FBXO27: variants seen among roughly 807,000 people sequenced by gnomAD.
FBXO27 encodes F-box protein 27.
In FBXO27, 28 loss-of-function variants were observed where a neutral mutation model predicts 28.3. That is an observed-to-expected ratio of 0.99 (90% confidence interval 0.73 to 1.36). The LOEUF (loss-of-function observed/expected upper bound fraction) is 1.36. Among genes scored for constraint, FBXO27 ranks in the 40% most tolerant of loss-of-function variants. The probability of loss-of-function intolerance (pLI) is 0.00; values close to 1 mark genes in which losing one functional copy is unlikely to be tolerated. For synonymous variants in FBXO27, 175 were observed against 167.3 expected, an observed-to-expected ratio of 1.05 and a Z score of -0.36; for missense variants, 388 against 394.1, an observed-to-expected ratio of 0.98 and a Z score of 0.13.
intron 1 of FBXO27, among the ~76,000 whole-genome samples, chr19:39,018,330 T>C (rs534750668): frequency 2.4e-4 from 36 of 152,342 alleles, no homozygotes; most frequent in African/African-American, 7.2e-4. Flanking sequence ...AATAATTTCA[T>C]AGCCACCTCC....
intron 2 of FBXO27, among the ~76,000 whole-genome samples, chr19:39,010,110 T>TA (rs1365468331): frequency 6.7e-6 from 1 of 148,792 alleles, no homozygotes; most frequent in African/African-American, 2.5e-5. Flanking sequence ...GCACCCAGCC[T>TA]AAAAATTTTA....
chr19:39,011,293 G>A (rs184388426), intron 2 of FBXO27, among the ~76,000 whole-genome samples: 6 of 152,236 alleles, frequency 3.9e-5, no homozygotes, highest in East Asian at 3.9e-4. Flanking sequence ...TTAGCCGGGC[G>A]TGGTGTCACC....
chr19:39,021,411 C>T (rs1284552731), downstream of FBXO27, among the ~76,000 whole-genome samples: 1 of 152,106 alleles, frequency 6.6e-6, no homozygotes, highest in African/African-American at 2.4e-5. Context: ...CTTCAGCCTA[C>T]TCATTGTGAA....
chr19:39,018,045 G>A (rs1020777183), intron 1 of FBXO27, among the ~76,000 whole-genome samples: 9 of 152,028 alleles, frequency 5.9e-5, no homozygotes, highest in African/African-American at 1.7e-4. Flanking sequence ...GCGATGGTGC[G>A]ATCTCGCTCG....
rs751598989 is a variant in FBXO27 at position 39,026,892 on chromosome 19, C to T, written c.686G>A (p.Trp229Ter). ...CACGTGAAGGCAGGCATTGTTGTTCCACTGCGGGATGGGATCAGGCACAGC... is the reference window on the plus strand; with the variant it reads ...CACGTGAAGGCAGGCATTGTTGTTCTACTGCGGGATGGGATCAGGCACAGC... ...FSAVPDPIPQWNNNACLHVTH... is the reference protein window; with the variant it reads ...FSAVPDPIPQ Residue 229 changes from tryptophan to a stop codon, truncating the protein, a stop_gained, in exon 5 of 6, where the codon TGG (tryptophan) becomes TAG (stop). Coordinates refer to ENST00000292853, the MANE Select transcript of FBXO27 (RefSeq NM_178820.5). LOFTEE classifies it low-confidence loss of function (END_TRUNC). 5.0e-6 allele frequency: 8 copies of T among 1,614,188 alleles called. No individual in the cohort carries two copies. In the East Asian group the frequency reaches 1.1e-4, roughly 22 times the overall value.
downstream of FBXO27, among the ~76,000 whole-genome samples, chr19:39,021,558 T>C (rs1487719341): frequency 6.6e-6 from 1 of 152,220 alleles, no homozygotes; most frequent in Non-Finnish European, 1.5e-5. Context: ...GTATATAATA[T>C]AATAACATAC....
chr19:39,020,312 T>G (rs2072839234), downstream of FBXO27, among the ~76,000 whole-genome samples: 1 of 152,106 alleles, frequency 6.6e-6, no homozygotes, highest in Admixed American at 6.6e-5. Context: ...ACCCTTCTTC[T>G]GGATTGGTTC....
chr19:39,028,626 G>T (rs1020046741), intron 4 of FBXO27, among the ~76,000 whole-genome samples: 26 of 152,012 alleles, frequency 1.7e-4, no homozygotes, highest in Admixed American at 1.7e-3. Flanking sequence ...ACTTTGGGAG[G>T]CAGAGGCGGG....
At chr19:39,017,093 A>AT (rs994159254) in intron 1 of FBXO27, among the ~76,000 whole-genome samples, 3 of 151,832 alleles carry the variant, frequency 2.0e-5, no homozygotes, top group African/African-American at 4.8e-5. Context: ...TCAACAAATA[A>AT]TTTTTTTGCT....
intron 2 of FBXO27, among the ~76,000 whole-genome samples, chr19:39,012,989 A>G (rs1002687293): frequency 6.7e-6 from 1 of 149,038 alleles, no homozygotes; most frequent in Non-Finnish European, 1.5e-5. Context: ...ACAAACGAAC[A>G]AACAAACAAC....
In FBXO27 at chr19:39,026,900, G is replaced by A. The variant is rs1364450476; in HGVS notation, c.678C>T (p.Ile226=). 6.2e-7 allele frequency: 1 copy of A among 1,614,198 alleles called. No individual in the cohort carries two copies. The highest frequency in any genetic ancestry group is 8.5e-7 in the Non-Finnish European group (1 of 1,180,042). The change falls in exon 5 of 6, where the codon ATC becomes ATT. Residue 226 remains isoleucine, a synonymous_variant. Transcript: ENST00000292853. ...LDKFSAVPDP[I]PQWNNNACLH... is the part of the protein sequence containing the mutation. ...GGCAGGCATTGTTGTTCCACTGCGG[G>A]ATGGGATCAGGCACAGCAGAGAATT...
At chr19:39,012,524 T>C (rs528310951) in intron 2 of FBXO27, among the ~76,000 whole-genome samples, 3 of 152,130 alleles carry the variant, frequency 2.0e-5, no homozygotes, top group South Asian at 2.1e-4. Context: ...TCCAGAAGGG[T>C]TGGATACAAA....
intron 4 of FBXO27, among the ~76,000 whole-genome samples, chr19:39,028,793 G>A (rs2072886750): frequency 1.3e-5 from 2 of 152,002 alleles, no homozygotes; most frequent in Non-Finnish European, 2.9e-5. Context: ...AATCCAGAAG[G>A]CAGAGGTTGC....
intron 2 of FBXO27, among the ~76,000 whole-genome samples, chr19:39,014,148 T>C (rs1206064167): frequency 6.6e-6 from 1 of 152,224 alleles, no homozygotes; most frequent in Admixed American, 6.5e-5. Flanking sequence ...CGAAGTGCTG[T>C]TCCTGGAGTG....
Position 39,025,545 on chromosome 19 carries a change from C to T in FBXO27, c.718G>A (p.Val240Met), listed in dbSNP as rs766867465. The T allele has an allele frequency of 9.3e-6, 15 of 1,613,332 alleles. No individual in the cohort carries two copies. Among genetic ancestry groups the T allele is most frequent in the Middle Eastern group, 1.6e-4 (1 of 6,078 alleles). The part of the protein sequence containing the change: ...NNNACLHVTH[V>M]FSNIKMGVRF... Reference sequence around the variant, plus strand: ...ACGCCCATCTTGATGTTGGAGAACACGTGGGTGACCTGTAGGCAGAGGAGG... The same window carrying T: ...ACGCCCATCTTGATGTTGGAGAACATGTGGGTGACCTGTAGGCAGAGGAGG... Residue 240 changes from valine to methionine, a missense_variant, in exon 6 of 6, where the codon GTG becomes ATG. By Grantham distance (21) the Val-to-Met change is conservative. Coordinates refer to ENST00000292853, the MANE Select transcript of FBXO27 (RefSeq NM_178820.5).
At chr19:39,021,565 A>G (rs1267538391), downstream of FBXO27, among the ~76,000 whole-genome samples, 1 of 152,216 alleles carries the variant, frequency 6.6e-6, no homozygotes, top group Non-Finnish European at 1.5e-5. Context: ...ATATAATAAC[A>G]TACAACATAT....
Position 39,025,550 on chromosome 19 carries a change from G to C in FBXO27, c.713C>G (p.Thr238Ser). 1.9e-6 allele frequency: 3 copies of C among 1,613,392 alleles called. No individual in the cohort carries two copies. The highest frequency in any genetic ancestry group is 2.5e-6 in the Non-Finnish European group (3 of 1,179,626). The change falls in exon 6 of 6, where the codon ACC becomes AGC. Residue 238 changes from threonine to serine, a missense_variant. Coordinates refer to ENST00000292853, the MANE Select transcript of FBXO27 (RefSeq NM_178820.5). ...QWNNNACLHVTHVFSNIKMGV... is the reference protein window; with the variant it reads ...QWNNNACLHVSHVFSNIKMGV... ...CATCTTGATGTTGGAGAACACGTGG[G>C]TGACCTGTAGGCAGAGGAGGGGCTC...
At chr19:39,031,393 A>T (rs1038449312) in intron 2 of FBXO27, 73 bp from the exon 3 acceptor site, 112 of 1,363,234 alleles carry the variant, frequency 8.2e-5, no homozygotes, top group Non-Finnish European at 1.1e-4. Context: ...CCCCGCCCCT[A>T]GCCCCTCCCA....
At chr19:39,021,744 C>T (rs1437468667), downstream of FBXO27, among the ~76,000 whole-genome samples, 1 of 151,824 alleles carries the variant, frequency 6.6e-6, no homozygotes, top group Non-Finnish European at 1.5e-5. Flanking sequence ...CTCACTGCAA[C>T]CTCTGCCTCC....
Sources: gnomAD v4.1 joint callset for allele counts (sites outside exome capture counted in the v4.1 genomes callset) on GRCh38, gnomAD v4.1.1 for gene constraint, MANE v1.5 for transcripts, NCBI Gene and HGNC (gene_info 2026-07-23, HGNC 2026-07-21) for gene names.